FBXO40: variants seen among roughly 807,000 people sequenced by gnomAD.
FBXO40 encodes the protein F-box only protein 40.
Under a neutral mutation model 49.9 loss-of-function variants are expected in FBXO40, and 50 were observed. That is an observed-to-expected ratio of 1.00 (90% CI 0.80 to 1.27). The LOEUF is 1.27. Ranked by LOEUF, FBXO40 falls within the 50% of genes most tolerant of loss-of-function variation. FBXO40 has a pLI of 0.00. For synonymous variants in FBXO40, 340 were observed against 320.2 expected, an observed-to-expected ratio of 1.06 and a Z score of -0.66; for missense variants, 895 against 870.1, an observed-to-expected ratio of 1.03 and a Z score of -0.36.
chr3:121,613,071 G>GAAA (rs34114730), intron 1 of FBXO40, among the ~76,000 whole-genome samples: 28 of 129,350 alleles, frequency 2.2e-4, no homozygotes, highest in Non-Finnish European at 3.4e-4. Flanking sequence ...CTCCGTCTCA[G>GAAA]AAAAAAAAAA....
At chr3:121,612,840 C>G (rs372495913) in intron 1 of FBXO40, among the ~76,000 whole-genome samples, 1 of 152,010 alleles carries the variant, frequency 6.6e-6, no homozygotes, top group East Asian at 1.9e-4. Context: ...GAGGCCGAGG[C>G]TGGCAGATCA....
chr3:121,611,332 C>G (rs1470815780), intron 1 of FBXO40, among the ~76,000 whole-genome samples: 6 of 152,108 alleles, frequency 3.9e-5, no homozygotes, highest in African/African-American at 1.4e-4. Flanking sequence ...AGTAGGAGGG[C>G]AAGGTGATAA....
chr3:121,626,660 T>C, intron 3 of FBXO40, 35 bp from the exon 4 acceptor site: 1 of 1,594,862 alleles, frequency 6.3e-7, no homozygotes, highest in South Asian at 1.1e-5. Flanking sequence ...GTAACACCCC[T>C]ATATTCACCT....
chr3:121,607,305 T>TTTTTTTTTTC (rs2048937366), intron 1 of FBXO40, among the ~76,000 whole-genome samples: 1 of 125,722 alleles, frequency 8.0e-6, no homozygotes, highest in Non-Finnish European at 1.7e-5. Context: ...AAGCTCTTTT[T>TTTTTTTTTTC]TTTTTTTTTT....
At chr3:121,623,665 C>T (rs1459442615) in intron 3 of FBXO40, among the ~76,000 whole-genome samples, 2 of 150,444 alleles carry the variant, frequency 1.3e-5, no homozygotes, top group African/African-American at 2.5e-5. Context: ...CTGTACCTGG[C>T]CTTAACAAAT....
Position 121,627,872 on chromosome 3 carries a change from C to T in FBXO40, c.*962C>T, listed in dbSNP as rs759627792. 21 of 398,690 alleles carry T rather than the reference C, an allele frequency of 5.3e-5. No homozygotes were observed. Among genetic ancestry groups the T allele is most frequent in the Admixed American group, 1.3e-4 (3 of 22,714 alleles). The allele number at this position is 398,690 out of a possible 1,614,324, so 24.7% of individuals were successfully genotyped here. A position where few individuals can be genotyped will look rare whatever the true frequency, so the allele number is the denominator to read the frequency against. On this transcript the variant is annotated 3_prime_UTR_variant, in exon 4 of 4. Transcript: ENST00000338040. The stretch of plus-strand genomic sequence containing the variant: ...CACCTTTGGCAAAGTCCAGACAAGG[C>T]CCACTGCAGTTCCTATGGCGCCAGT...
rs908218069 is a variant in FBXO40 at position 121,622,746 on chromosome 3, C to T, written c.1317C>T (p.Ser439=). Reference sequence around the variant, plus strand: ...ACAACTTTGAGCCAGAACAGTTTTCCTCTGGGACAGTGCTGGCTGACCTAA... The same window carrying T: ...ACAACTTTGAGCCAGAACAGTTTTCTTCTGGGACAGTGCTGGCTGACCTAA... The part of the protein sequence containing the change: ...QTYNFEPEQF[S]SGTVLADLTA... Residue 439 remains serine (S), a synonymous_variant, in exon 3 of 4, where the codon TCC becomes TCT. Transcript: ENST00000338040. 6.8e-6 allele frequency: 11 copies of T among 1,614,188 alleles called. No homozygotes were observed. The highest frequency in any genetic ancestry group is 9.3e-6 in the Non-Finnish European group (11 of 1,180,042).
At position 121,622,301 on chromosome 3, in the gene FBXO40, A is replaced by G. The variant is rs1427951264; in HGVS notation, c.872A>G (p.Gln291Arg). 2 of 1,614,138 alleles carry G rather than the reference A, an allele frequency of 1.2e-6. No homozygotes were observed. The highest frequency in any genetic ancestry group is 2.7e-5 in the African/African-American group (2 of 74,960). ...GAAACCACAGGGCTTGCCCCTTGGC[A>G]GGATGGTGTTCTGGAAAGACTGAAA... ...AMETTGLAPW[Q>R]DGVLERLKTA... Residue 291 changes from glutamine to arginine, a missense_variant, in exon 3 of 4, where the codon CAG becomes CGG. Transcript: ENST00000338040.
intron 1 of FBXO40, among the ~76,000 whole-genome samples, chr3:121,599,468 C>CA (rs35637771): frequency 0.013 from 1,201 of 91,584 alleles, 41 homozygotes; most frequent in East Asian, 0.094. Context: ...GACTCTGACT[C>CA]AAAAAAAAAA....
intron 1 of FBXO40, among the ~76,000 whole-genome samples, chr3:121,610,246 A>G (rs1364812925): frequency 6.6e-6 from 1 of 152,210 alleles, no homozygotes; most frequent in African/African-American, 2.4e-5. Flanking sequence ...GGCTGCAGCT[A>G]AAAGCTGGGC....
Position 121,620,546 on chromosome 3 carries a change from A to G in FBXO40, c.-30A>G. 4 of 1,614,022 alleles carry G rather than the reference A, an allele frequency of 2.5e-6. No homozygotes were observed. Among genetic ancestry groups the G allele is most frequent in the Non-Finnish European group, 3.4e-6 (4 of 1,179,922 alleles). ...TATTTATATTCATATTTTCCCGTAG[A>G]GCTAAGAAGCAAGAAGAAATTGGGG... On this transcript the variant is annotated splice_region_variant and 5_prime_UTR_variant, in exon 2 of 4. Transcript: ENST00000338040.
chr3:121,627,358 C>G lies in FBXO40; in HGVS notation c.*448C>G, dbSNP rs2049068127. ...GCAGGATGGGACTCCCCAGGGAACG[C>G]AGGGTGAAGGGAACAAAGCTGGAGG... On this transcript the variant is annotated 3_prime_UTR_variant, in exon 4 of 4. Transcript: ENST00000338040. The G allele has an allele frequency of 5.5e-6, 1 of 180,948 alleles. No individual in the cohort carries two copies. The highest frequency in any genetic ancestry group is 2.4e-5 in the African/African-American group (1 of 41,908). The allele number at this position is 180,948 out of a possible 1,614,324, so 11.2% of individuals were successfully genotyped here. A position where few individuals can be genotyped will look rare whatever the true frequency, so the allele number is the denominator to read the frequency against.
Position 121,622,213 on chromosome 3 carries a change from G to A in FBXO40, c.784G>A (p.Gly262Ser). Reference protein sequence around the residue: ...SSGHNMVEGEGAPKKKEPQEN... With the variant: ...SSGHNMVEGESAPKKKEPQEN... ...TGGCCATAACATGGTAGAAGGAGAG[G>A]GCGCTCCCAAAAAGAAAGAACCACA... The change falls in exon 3 of 4, where the codon GGC becomes AGC. Residue 262 changes from glycine (G) to serine (S), a missense_variant. Transcript: ENST00000338040. The A allele has an allele frequency of 1.2e-6, 2 of 1,613,962 alleles. No individual in the cohort carries two copies. The highest frequency in any genetic ancestry group is 8.5e-7 in the Non-Finnish European group (1 of 1,179,968).
chr3:121,623,294 A>G lies in FBXO40; in HGVS notation c.1865A>G (p.Lys622Arg), dbSNP rs200687176. ...AGAGGAATGGTCCTTTTGCAATGGA[A>G]GAAAAAGAGGTATTCCCATGGAGGC... Reference protein sequence around the residue: ...QERGMVLLQWKKKRYSHGGTS... With the variant: ...QERGMVLLQWRKKRYSHGGTS... Residue 622 changes from lysine (K) to arginine (R), a missense_variant, in exon 3 of 4, where the codon AAG becomes AGG. Coordinates refer to ENST00000338040, the MANE Select transcript of FBXO40 (RefSeq NM_016298.4). 53 of 1,614,250 alleles carry G rather than the reference A, an allele frequency of 3.3e-5. No individual in the cohort carries two copies. The East Asian group carries it at 1.2e-3, about 35-fold the overall frequency.
rs1422536870 is a variant in FBXO40 at position 121,595,839 on chromosome 3, G to A, written c.-31+2337G>A. Among the ~76,000 whole-genome samples the A allele has an allele frequency of 5.3e-5, 8 of 152,304 alleles. No individual in the cohort carries two copies. In the East Asian group the frequency reaches 1.5e-3, roughly 29 times the overall value. On this transcript the variant is annotated intron_variant, in intron 1 of 3. Coordinates refer to ENST00000338040, the MANE Select transcript of FBXO40 (RefSeq NM_016298.4). ...TAATTGGCTGGTTAACAGGTTAAGAGTTAAAAAATCTTTGACCTTTAACTT... is the reference window on the plus strand; with the variant it reads ...TAATTGGCTGGTTAACAGGTTAAGAATTAAAAAATCTTTGACCTTTAACTT...
intron 1 of FBXO40, among the ~76,000 whole-genome samples, chr3:121,619,654 T>A (rs2049018542): frequency 6.6e-6 from 1 of 152,182 alleles, no homozygotes; most frequent in African/African-American, 2.4e-5. Context: ...TTCATGTATA[T>A]TTAGGTCATT....
chr3:121,626,729 A>G lies in FBXO40; in HGVS notation c.1949A>G (p.Lys650Arg). 1 of 1,614,194 alleles carries G rather than the reference A, an allele frequency of 6.2e-7. No homozygotes were observed. The highest frequency in any genetic ancestry group is 8.5e-7 in the Non-Finnish European group (1 of 1,180,014). The change falls in exon 4 of 4, where the codon AAG becomes AGG. Residue 650 changes from lysine (K) to arginine (R), a missense_variant. Lys to Arg is a conservative substitution (Grantham distance 26, BLOSUM62 2). Coordinates refer to ENST00000338040, the MANE Select transcript of FBXO40 (RefSeq NM_016298.4). ...TTCAGCAGCCTCTTCTCCAAAATCAAGAGCTGGGAGTTTAATGAAGTCACC... is the reference window on the plus strand; with the variant it reads ...TTCAGCAGCCTCTTCTCCAAAATCAGGAGCTGGGAGTTTAATGAAGTCACC... Reference protein sequence around the residue: ...WQFSSLFSKIKSWEFNEVTSM... With the variant: ...WQFSSLFSKIRSWEFNEVTSM...
At position 121,621,623 on chromosome 3, in the gene FBXO40, G is replaced by A. The variant is rs1368836892; in HGVS notation, c.194G>A (p.Cys65Tyr). The change falls in exon 3 of 4, where the codon TGC (cysteine) becomes TAC (tyrosine). Residue 65 changes from cysteine (C) to tyrosine (Y), a missense_variant. Transcript: ENST00000338040. Reference sequence around the variant, plus strand: ...CTCTGCCCTTTAGAGCAGGTTCCGTGCCTCAACTCCGAATATGGCTGCCCT... The same window carrying A: ...CTCTGCCCTTTAGAGCAGGTTCCGTACCTCAACTCCGAATATGGCTGCCCT... ...QLLCPLEQVP[C>Y]LNSEYGCPLS... is the part of the protein sequence containing the mutation. 2.5e-6 allele frequency: 4 copies of A among 1,614,076 alleles called. No individual in the cohort carries two copies. Among genetic ancestry groups the A allele is most frequent in the African/African-American group, 1.3e-5 (1 of 74,934 alleles).
intron 3 of FBXO40, among the ~76,000 whole-genome samples, chr3:121,624,645 C>T (rs1004713787): frequency 6.6e-6 from 1 of 152,126 alleles, no homozygotes; most frequent in African/African-American, 2.4e-5. Context: ...CTCCTGGCTT[C>T]CCCCCTGCAT....
Sources: allele counts gnomAD v4.1 joint callset (sites outside exome capture counted in the v4.1 genomes callset), GRCh38; gene constraint gnomAD v4.1.1; transcripts MANE v1.5; gene names NCBI Gene and HGNC (gene_info 2026-07-23, HGNC 2026-07-21).